TTC7B: variants seen among roughly 807,000 people sequenced by gnomAD.
TTC7B encodes the protein tetratricopeptide repeat protein 7B.
In TTC7B, 28 loss-of-function variants were observed where a neutral mutation model predicts 106.8. The observed-to-expected ratio is 0.26, with a 90% confidence interval of 0.19 to 0.36. TTC7B has a LOEUF of 0.36. Among genes scored for constraint, TTC7B ranks in the 10% least tolerant of loss-of-function variants. The pLI is 1.00. For synonymous variants in TTC7B, 405 were observed against 430.6 expected (o/e 0.94, Z 0.74); for missense variants, 862 against 1,076.4 (o/e 0.80, Z 2.79).
intron 14 of TTC7B, 37 bp from the exon 15 acceptor site, chr14:90,644,245 ACACATG>A: frequency 7.2e-7 from 1 of 1,383,236 alleles, no homozygotes; most frequent in Non-Finnish European, 9.4e-7. Flanking sequence ...TTTTACATAC[ACACATG>A]CACACGCACA....
chr14:90,554,348 G>T (rs942958888), intron 19 of TTC7B, among the ~76,000 whole-genome samples: 1 of 152,204 alleles, frequency 6.6e-6, no homozygotes, highest in African/African-American at 2.4e-5. Context: ...TGACAGGAGG[G>T]CAAACAGAAG....
intron 3 of TTC7B, chr14:90,767,120 G>C: frequency 1.7e-6 from 1 of 598,244 alleles, no homozygotes; most frequent in East Asian, 2.8e-5. Flanking sequence ...TTGGGAGGCT[G>C]AGGCAGGAGC....
chr14:90,629,372 A>C (rs1472993217), intron 15 of TTC7B, among the ~76,000 whole-genome samples: 3 of 152,188 alleles, frequency 2.0e-5, no homozygotes, highest in African/African-American at 4.8e-5. Context: ...ACCAGCAAGC[A>C]CCTTATACCG....
At chr14:90,689,503 A>G (rs1249917046) in intron 7 of TTC7B, 37 bp downstream of exon 7, 8 of 1,573,056 alleles carry the variant, frequency 5.1e-6, no homozygotes, top group South Asian at 1.2e-5. Context: ...TTTCCTCCCA[A>G]CCCATAACCT....
rs1025001100 is a variant in TTC7B, at chr14:90,528,888, G to A, written c.*12480C>T. 14 of 151,654 alleles carry A rather than the reference G, an allele frequency of 9.2e-5. No homozygotes were observed. The highest frequency in any genetic ancestry group is 1.9e-4 in the Non-Finnish European group (13 of 68,776). 9.4% of individuals were successfully genotyped at this position (151,654 alleles called of 1,614,324 possible). A position where few individuals can be genotyped will look rare whatever the true frequency, so the allele number is the denominator to read the frequency against. ...ATTTCCGATGGTGTGACCTGACTACGCTTTGTTACCTGTTTCTGGTGGTGT... is the reference window on the plus strand; with the variant it reads ...ATTTCCGATGGTGTGACCTGACTACACTTTGTTACCTGTTTCTGGTGGTGT... On this transcript the variant is annotated 3_prime_UTR_variant, in exon 20 of 20. Transcript: ENST00000328459.
chr14:90,735,134 C>T (rs1056112869), intron 4 of TTC7B, among the ~76,000 whole-genome samples: 1 of 152,164 alleles, frequency 6.6e-6, no homozygotes, highest in African/African-American at 2.4e-5. Flanking sequence ...GTATCCAGAA[C>T]ATGGAAGGCA....
chr14:90,771,381 A>T (rs893493941), intron 3 of TTC7B, among the ~76,000 whole-genome samples: 7 of 152,188 alleles, frequency 4.6e-5, no homozygotes, highest in Admixed American at 3.9e-4. Context: ...GGCTCGCTTA[A>T]GCCCAGGAGT....
At chr14:90,715,907 C>T (rs1376689924) in intron 5 of TTC7B, among the ~76,000 whole-genome samples, 1 of 152,186 alleles carries the variant, frequency 6.6e-6, no homozygotes, top group Non-Finnish European at 1.5e-5. Flanking sequence ...ACAATACTTC[C>T]GCCTTCCTCC....
chr14:90,802,761 G>A lies in TTC7B; in HGVS notation c.121+13414C>T, dbSNP rs1489295735. Among the ~76,000 whole-genome samples the A allele has an allele frequency of 4.6e-5, 7 of 152,150 alleles. No homozygotes were observed. The highest frequency in any genetic ancestry group is 2.6e-4 in the Admixed American group (4 of 15,276). On this transcript the variant is annotated intron_variant, in intron 1 of 19. Transcript: ENST00000328459. This position sits in a 1 kb window ranked among gnomAD's most constrained non-coding sequence, Gnocchi z 4.7. ...GGGACGCTGCTGCGCAGGTGCAGGC[G>A]TGGAGAGGCAGAGAGCCGGGTGTAA...
chr14:90,636,397 T>C (rs543087656), intron 15 of TTC7B, among the ~76,000 whole-genome samples: 57 of 78,600 alleles, frequency 7.3e-4, no homozygotes, highest in East Asian at 1.6e-3. Context: ...CTTTAAAATA[T>C]AGAAAGGAAA....
intron 5 of TTC7B, among the ~76,000 whole-genome samples, chr14:90,729,150 T>C (rs1432362900): frequency 6.6e-6 from 1 of 152,214 alleles, no homozygotes; most frequent in Non-Finnish European, 1.5e-5. Context: ...AGCAGTTTAA[T>C]AGGACTTGAA....
chr14:90,714,021 A>G (rs1888549303), intron 5 of TTC7B, among the ~76,000 whole-genome samples: 1 of 152,192 alleles, frequency 6.6e-6, no homozygotes, highest in Non-Finnish European at 1.5e-5. Flanking sequence ...TGAGGTCGGG[A>G]GTTCGAGACC....
At chr14:90,629,076 C>T (rs1283338671) in intron 15 of TTC7B, among the ~76,000 whole-genome samples, 4 of 152,232 alleles carry the variant, frequency 2.6e-5, no homozygotes, top group Non-Finnish European at 4.4e-5. Context: ...TGAAAGCAGG[C>T]GCTCTCTACC....
chr14:90,594,780 T>C (rs968530559), intron 17 of TTC7B, among the ~76,000 whole-genome samples: 1 of 152,180 alleles, frequency 6.6e-6, no homozygotes, highest in Non-Finnish European at 1.5e-5. Flanking sequence ...ATAATTTCAG[T>C]TGCGCTTTGG....
intron 3 of TTC7B, among the ~76,000 whole-genome samples, chr14:90,758,258 G>A (rs2140013904): frequency 6.6e-6 from 1 of 150,480 alleles, no homozygotes; most frequent in East Asian, 2.0e-4. Context: ...CGGTGGCCGC[G>A]GCAGGAACCA....
At position 90,646,994 on chromosome 14, in the gene TTC7B, TG is replaced by T; in HGVS notation, c.1546del (p.Gln516LysfsTer54). 2.5e-6 allele frequency: 4 copies of T among 1,614,176 alleles called. No individual in the cohort carries two copies. Among genetic ancestry groups the T allele is most frequent in the Non-Finnish European group, 3.4e-6 (4 of 1,180,018 alleles). ...RAHSLSPTDH[Q>X]AAFYLALQLA... ...CTGCAGAGCCAGGTAGAAAGCTGCT[TG>T]GTGATCTGTGGGTGACAGGCTGTGG... On this transcript the variant is annotated frameshift_variant, in exon 14 of 20. Transcript: ENST00000328459. LOFTEE classifies it high-confidence loss of function.
At position 90,744,274 on chromosome 14, in the gene TTC7B, A is replaced by G. The variant is rs17127000; in HGVS notation, c.576+518T>C. Among the ~76,000 whole-genome samples the G allele has an allele frequency of 7.6e-3, 1,155 of 152,276 alleles. 14 individuals carry two copies. The highest frequency in any genetic ancestry group is 0.027 in the African/African-American group (1,111 of 41,556). ...TCATTTCTGCTCAGAGGATGCTAAA[A>G]TGCTTCACAAACACTGAACCATCTA... On this transcript the variant is annotated intron_variant, in intron 4 of 19. Coordinates refer to ENST00000328459, the MANE Select transcript of TTC7B (RefSeq NM_001010854.2).
chr14:90,584,682 A>T (rs1891642973), intron 18 of TTC7B, among the ~76,000 whole-genome samples: 1 of 150,808 alleles, frequency 6.6e-6, no homozygotes, highest in Non-Finnish European at 1.5e-5. Context: ...GAGAAACGTG[A>T]CGGAAAGGAC....
At chr14:90,797,056 G>C (rs1218736167) in intron 1 of TTC7B, among the ~76,000 whole-genome samples, 2 of 150,280 alleles carry the variant, frequency 1.3e-5, no homozygotes, top group African/African-American at 4.8e-5. Flanking sequence ...TGTTGGCCAA[G>C]CTGGTCTGGA....
Sources: allele counts gnomAD v4.1 joint callset (sites outside exome capture counted in the v4.1 genomes callset), GRCh38; gene constraint gnomAD v4.1.1; non-coding constraint Gnocchi (gnomAD v3.1); transcripts MANE v1.5; gene names NCBI Gene and HGNC (gene_info 2026-07-23, HGNC 2026-07-21).